The following KDM4C variants were observed in gnomAD, a reference collection of about 807,000 sequenced individuals.
KDM4C encodes the protein lysine-specific demethylase 4C.
Under a neutral mutation model 129.3 loss-of-function variants are expected in KDM4C, and 81 were observed. The ratio of observed to expected loss-of-function variants is 0.63; its 90% confidence interval spans 0.52 to 0.75. KDM4C has a LOEUF of 0.75. Among genes scored for constraint, KDM4C ranks in the 30% least tolerant of loss-of-function variants. The probability of loss-of-function intolerance (pLI) is 0.00; values close to 1 mark genes in which losing one functional copy is unlikely to be tolerated. For missense variants in KDM4C, 1,457 were observed against 1,304.0 expected, an observed-to-expected ratio of 1.12 and a Z score of -1.81; for synonymous variants, 573 against 456.1, an observed-to-expected ratio of 1.26 and a Z score of -3.26.
chr9:6,852,211 A>G (rs1197185109), intron 5 of KDM4C, among the ~76,000 whole-genome samples: 12 of 152,226 alleles, frequency 7.9e-5, no homozygotes, highest in Non-Finnish European at 2.9e-5. Flanking sequence ...CATTTTAGCA[A>G]TCCTTATAAT....
chr9:6,734,688 A>G (rs1446400094), intron 1 of KDM4C: 2 of 305,824 alleles, frequency 6.5e-6, no homozygotes, highest in Non-Finnish European at 6.3e-6. Flanking sequence ...CTCCTTTCAC[A>G]GTGATTATGG....
chr9:6,762,387 G>T (rs1213960869), intron 1 of KDM4C, among the ~76,000 whole-genome samples: 1 of 151,362 alleles, frequency 6.6e-6, no homozygotes, highest in Non-Finnish European at 1.5e-5. Flanking sequence ...GCTCAGGCTA[G>T]TCTCAAAATT....
Position 6,990,488 on chromosome 9 carries a change from A to G in KDM4C, c.1750A>G (p.Met584Val), listed in dbSNP as rs1818531474. The G allele has an allele frequency of 6.2e-7, 1 of 1,613,152 alleles. No homozygotes were observed. The highest frequency in any genetic ancestry group is 1.7e-5 in the Admixed American group (1 of 59,922). The change falls in exon 12 of 22, where the codon ATG becomes GTG. Residue 584 changes from methionine (M) to valine (V), a missense_variant. Met to Val is a conservative substitution (Grantham distance 21). Coordinates refer to ENST00000381309, the MANE Select transcript of KDM4C (RefSeq NM_015061.6). ...TAGCAGGCCTCCAGCAAGATCTCCG[A>G]TGACTCTTGTGAAGCAGCAGGCGCC... is the stretch of plus-strand genomic sequence containing the variant. ...PLSRPPARSP[M>V]TLVKQQAPSD...
At chr9:7,149,029 A>G (rs1277141175) in intron 19 of KDM4C, among the ~76,000 whole-genome samples, 1 of 152,134 alleles carries the variant, frequency 6.6e-6, no homozygotes, top group Non-Finnish European at 1.5e-5. Context: ...ATCCCTCCTA[A>G]TAACCTGTCT....
chr9:6,986,506 C>T lies in KDM4C; in HGVS notation c.1517C>T (p.Ser506Leu), dbSNP rs376253166. 3 of 1,614,124 alleles carry T rather than the reference C, an allele frequency of 1.9e-6. No individual in the cohort carries two copies. Among genetic ancestry groups the T allele is most frequent in the East Asian group, 4.5e-5 (2 of 44,872 alleles). ...KPEKSDPSEL[S>L]WPKSPESCSS... ...GAGAAATCAGACCCATCCGAGCTTT[C>T]ATGGCCAAAGTCACCTGAGTCATGC... Residue 506 changes from serine to leucine, a missense_variant, in exon 11 of 22, where the codon TCA (serine) becomes TTA (leucine). Coordinates refer to ENST00000381309, the MANE Select transcript of KDM4C (RefSeq NM_015061.6).
At chr9:7,132,559 G>A (rs1246749296) in intron 19 of KDM4C, among the ~76,000 whole-genome samples, 1 of 152,142 alleles carries the variant, frequency 6.6e-6, no homozygotes, top group African/African-American at 2.4e-5. Context: ...GCTGTCAAGG[G>A]AAGTAATAAA....
intron 8 of KDM4C, among the ~76,000 whole-genome samples, chr9:6,952,309 C>T (rs1828292064): frequency 6.6e-6 from 1 of 151,624 alleles, no homozygotes; most frequent in Admixed American, 6.6e-5. Flanking sequence ...ATAAATAAAT[C>T]AATCGTGGTA....
intron 15 of KDM4C, among the ~76,000 whole-genome samples, chr9:7,036,085 A>C (rs1038482507): frequency 6.6e-6 from 1 of 152,172 alleles, no homozygotes; most frequent in Non-Finnish European, 1.5e-5. Context: ...TAATACTGTC[A>C]TTGTAACAAT....
chr9:6,978,554 T>G (rs577272047), intron 8 of KDM4C: 1 of 152,372 alleles, frequency 6.6e-6, no homozygotes, highest in African/African-American at 2.4e-5. Flanking sequence ...TTCTGTCCAC[T>G]CAGTCGTTCT....
intron 18 of KDM4C, among the ~76,000 whole-genome samples, chr9:7,109,655 C>T (rs1838094226): frequency 2.6e-5 from 4 of 152,168 alleles, no homozygotes; most frequent in Admixed American, 2.6e-4. Flanking sequence ...CTTTATGTTA[C>T]TTGACTCTTT....
intron 12 of KDM4C, among the ~76,000 whole-genome samples, chr9:6,995,916 C>T (rs1301850559): frequency 2.0e-5 from 3 of 152,218 alleles, no homozygotes; most frequent in Admixed American, 6.5e-5. Context: ...GATCTGCCCA[C>T]CTCGGCCTCC....
chr9:6,889,211 T>TTTTTTG (rs766335055), intron 7 of KDM4C, among the ~76,000 whole-genome samples: 8 of 61,616 alleles, frequency 1.3e-4, no homozygotes, highest in African/African-American at 5.3e-4. Flanking sequence ...GGCCTTCTTT[T>TTTTTTG]TGTGTGTGTG....
upstream of KDM4C, among the ~76,000 whole-genome samples, chr9:6,755,977 A>G (rs527345348): frequency 6.6e-6 from 1 of 152,344 alleles, no homozygotes; most frequent in East Asian, 1.9e-4. Flanking sequence ...TCGTATATCC[A>G]CTTCAGTTCT....
At chr9:7,131,264 A>G in intron 19 of KDM4C, among the ~76,000 whole-genome samples, 1 of 152,142 alleles carries the variant, frequency 6.6e-6, no homozygotes, top group South Asian at 2.1e-4. Context: ...TATACTTTCT[A>G]ACAGTGTCAC....
At chr9:6,770,742 G>A (rs1325516637) in intron 1 of KDM4C, among the ~76,000 whole-genome samples, 13 of 103,864 alleles carry the variant, frequency 1.3e-4, no homozygotes, top group Admixed American at 2.9e-4. Context: ...AGCCGGTATC[G>A]TATATGGTTT....
intron 1 of KDM4C, among the ~76,000 whole-genome samples, chr9:6,737,050 CAAAAAAA>C (rs566235532): frequency 8.2e-5 from 3 of 36,394 alleles, no homozygotes; most frequent in South Asian, 9.7e-4. Context: ...GATTCTGTCT[CAAAAAAA>C]AAAAAAAAAA....
At chr9:7,090,868 G>A (rs886488379) in intron 17 of KDM4C, among the ~76,000 whole-genome samples, 1 of 152,186 alleles carries the variant, frequency 6.6e-6, no homozygotes, top group Non-Finnish European at 1.5e-5. Context: ...TCAATCCATT[G>A]TTATGATTTC....
intron 1 of KDM4C, among the ~76,000 whole-genome samples, chr9:6,792,441 T>C (rs1826855773): frequency 6.6e-6 from 1 of 151,978 alleles, no homozygotes; most frequent in Non-Finnish European, 1.5e-5. Flanking sequence ...CAGGCTGGAG[T>C]GCAGTGGCGA....
chr9:6,966,781 ACTACTAATT>A (rs1202613244), intron 8 of KDM4C, among the ~76,000 whole-genome samples: 1 of 152,168 alleles, frequency 6.6e-6, no homozygotes, highest in African/African-American at 2.4e-5. Flanking sequence ...ACCATACACA[ACTACTAATT>A]CAAGATTTAT....
Sources: allele counts gnomAD v4.1 joint callset (sites outside exome capture counted in the v4.1 genomes callset), GRCh38; gene constraint gnomAD v4.1.1; transcripts MANE v1.5; gene names NCBI Gene and HGNC (gene_info 2026-07-23, HGNC 2026-07-21).